The following ZNF665 variants were observed in gnomAD, a reference collection of about 807,000 sequenced individuals.
The protein encoded by ZNF665 is zinc finger protein 665.
Under a neutral mutation model 7.9 loss-of-function variants are expected in ZNF665, and 6 were observed. The observed-to-expected ratio is 0.76, with a 90% CI of 0.42 to 1.50. ZNF665 has a LOEUF of 1.50. ZNF665 is among the 40% of genes most tolerant of loss of function. The pLI, the probability that ZNF665 is intolerant of heterozygous loss-of-function variation, is 0.01. For synonymous variants in ZNF665, 242 were observed against 274.5 expected, an observed-to-expected ratio of 0.88 and a Z score of 1.17; for missense variants, 819 against 806.7, an observed-to-expected ratio of 1.02 and a Z score of -0.18.
chr19:53,177,565 C>CAAAACAAAAA (rs1599879398), intron 2 of ZNF665, among the ~76,000 whole-genome samples: 1 of 150,406 alleles, frequency 6.6e-6, no homozygotes, highest in East Asian at 1.9e-4. Flanking sequence ...CAAAACAAAA[C>CAAAACAAAAA]AAAACAAAAA....
At chr19:53,171,099 C>T (rs1357449055) in intron 3 of ZNF665, among the ~76,000 whole-genome samples, 1 of 151,938 alleles carries the variant, frequency 6.6e-6, no homozygotes, top group Non-Finnish European at 1.5e-5. Flanking sequence ...ATTTTCCTGC[C>T]TCAGCCTCCC....
chr19:53,190,348 G>C (rs992406360), intron 1 of ZNF665: 2 of 152,168 alleles, frequency 1.3e-5, no homozygotes, highest in Non-Finnish European at 2.9e-5. Context: ...AAATTAAACT[G>C]TTCATACTAT....
chr19:53,184,661 C>T (rs1252449073), intron 1 of ZNF665, among the ~76,000 whole-genome samples: 2 of 152,102 alleles, frequency 1.3e-5, no homozygotes, highest in Admixed American at 6.6e-5. Flanking sequence ...TGGGTTTTCT[C>T]CTCGTGTGTG....
intron 1 of ZNF665, among the ~76,000 whole-genome samples, chr19:53,189,051 CTGTG>C (rs60689265): frequency 5.0e-4 from 69 of 137,748 alleles, no homozygotes; most frequent in African/African-American, 1.6e-3. Flanking sequence ...GCTTTATTTT[CTGTG>C]TGTGTGTGTG....
At position 53,165,531 on chromosome 19, in the gene ZNF665, C is replaced by T; in HGVS notation, c.959G>A (p.Cys320Tyr). The T allele has an allele frequency of 6.2e-7, 1 of 1,614,072 alleles. No homozygotes were observed. The highest frequency in any genetic ancestry group is 1.7e-5 in the Admixed American group (1 of 60,004). The change falls in exon 4 of 4, where the codon TGT becomes TAT. Residue 320 changes from cysteine (C) to tyrosine (Y), a missense_variant. Physicochemically the swap from Cys to Tyr is radical, Grantham distance 194. Coordinates refer to ENST00000396424, the MANE Select transcript of ZNF665 (RefSeq NM_024733.5). ...RIHTGEKPYK[C>Y]NECGKAFSVR... ...ACTAAAGGCTTTGCCACACTCATTACACTTGTAAGGCTTCTCCCCAGTATG... is the reference window on the plus strand; with the variant it reads ...ACTAAAGGCTTTGCCACACTCATTATACTTGTAAGGCTTCTCCCCAGTATG...
At chr19:53,170,710 G>T (rs181944344) in intron 3 of ZNF665, among the ~76,000 whole-genome samples, 12 of 152,246 alleles carry the variant, frequency 7.9e-5, no homozygotes, top group Admixed American at 3.3e-4. Context: ...CGACTATTGT[G>T]AACAATGCTG....
intron 2 of ZNF665, chr19:53,180,666 T>C (rs959221704): frequency 1.3e-5 from 2 of 152,144 alleles, no homozygotes; most frequent in African/African-American, 4.8e-5. Flanking sequence ...TTAGTTGTCT[T>C]TTTTGCTCAT....
rs376816788 is a variant in ZNF665, at chr19:53,183,705, A to G, written c.-45-762T>C. On this transcript the variant is annotated intron_variant, in intron 1 of 3. Coordinates refer to ENST00000396424, the MANE Select transcript of ZNF665 (RefSeq NM_024733.5). ...CGGAAGTCCCCACTGAGGAAGTGAT[A>G]TCAGAACAAAGACCTGGGTTAGGAA... Among the ~76,000 whole-genome samples the G allele has an allele frequency of 1.8e-3, 272 of 152,228 alleles. 13 individuals carry two copies. In the South Asian group the frequency reaches 0.052, roughly 29 times the overall value.
At chr19:53,173,859 A>C (rs563657832) in intron 3 of ZNF665, among the ~76,000 whole-genome samples, 2 of 152,220 alleles carry the variant, frequency 1.3e-5, no homozygotes, top group African/African-American at 4.8e-5. Context: ...CCGATGTAGG[A>C]CTGGGATCAA....
In ZNF665 at chr19:53,164,066, A is replaced by G. The variant is rs1018356793; in HGVS notation, c.*387T>C. On this transcript the variant is annotated 3_prime_UTR_variant, in exon 4 of 4. Transcript: ENST00000396424. ...CTGTATTTGTAAGAATTGTCTCAAG[A>G]ATGAATTCTCTGATGTTGTGAAAGA... 1.3e-5 allele frequency: 2 copies of G among 158,200 alleles called. No individual in the cohort carries two copies. Among genetic ancestry groups the G allele is most frequent in the Admixed American group, 6.2e-5 (1 of 16,154 alleles). The allele number at this position is 158,200 out of a possible 1,614,324, so 9.8% of individuals were successfully genotyped here.
Position 53,164,561 on chromosome 19 carries a change from GGTA to G in ZNF665, c.1926_1928del (p.Thr643del). On this transcript the variant is annotated inframe_deletion, in exon 4 of 4. Coordinates refer to ENST00000396424, the MANE Select transcript of ZNF665 (RefSeq NM_024733.5). Reference sequence around the variant, plus strand: ...TGTCTCCAGTATGGACTGCCATATGGGTAGTTAGGGTTGAACGAACACTGAAGG... The same window carrying G: ...TGTCTCCAGTATGGACTGCCATATGGGTTAGGGTTGAACGAACACTGAAGG... 1.2e-6 allele frequency: 2 copies of G among 1,614,094 alleles called. No individual in the cohort carries two copies. Among genetic ancestry groups the G allele is most frequent in the Non-Finnish European group, 1.7e-6 (2 of 1,179,948 alleles).
Position 53,175,495 on chromosome 19 carries a change from G to T in ZNF665, c.92C>A (p.Thr31Asn). Reference sequence around the variant, plus strand: ...CTCCAACATGACGTCCCTGTACAAAGTCTTCTGAGCAGGGTCCAGGCATGT... The same window carrying T: ...CTCCAACATGACGTCCCTGTACAAATTCTTCTGAGCAGGGTCCAGGCATGT... ...EWTCLDPAQKTLYRDVMLENY... is the reference protein window; with the variant it reads ...EWTCLDPAQKNLYRDVMLENY... The change falls in exon 3 of 4, where the codon ACT becomes AAT. Residue 31 changes from threonine to asparagine, a missense_variant. By Grantham distance (65) the Thr-to-Asn change is moderately conservative (BLOSUM62 0). Coordinates refer to ENST00000396424, the MANE Select transcript of ZNF665 (RefSeq NM_024733.5). 6.2e-7 allele frequency: 1 copy of T among 1,613,102 alleles called. No homozygotes were observed. Among genetic ancestry groups the T allele is most frequent in the Non-Finnish European group, 8.5e-7 (1 of 1,179,650 alleles).
At chr19:53,167,637 G>A (rs2090626229) in intron 3 of ZNF665, among the ~76,000 whole-genome samples, 1 of 150,310 alleles carries the variant, frequency 6.7e-6, no homozygotes, top group Non-Finnish European at 1.5e-5. Context: ...TAGTAGAGAC[G>A]GGGTTTCACC....
At chr19:53,167,842 G>T (rs1251303264) in intron 3 of ZNF665, among the ~76,000 whole-genome samples, 1 of 147,790 alleles carries the variant, frequency 6.8e-6, no homozygotes, top group Non-Finnish European at 1.5e-5. Context: ...GGATCACGAG[G>T]TCAGGAGATC....
Position 53,165,909 on chromosome 19 carries a change from G to C in ZNF665, c.581C>G (p.Thr194Arg). The C allele has an allele frequency of 6.2e-7, 1 of 1,614,112 alleles. No individual in the cohort carries two copies. Among genetic ancestry groups the C allele is most frequent in the South Asian group, 1.1e-5 (1 of 91,076 alleles). The change falls in exon 4 of 4, where the codon ACA becomes AGA. Residue 194 changes from threonine to arginine, a missense_variant. Coordinates refer to ENST00000396424, the MANE Select transcript of ZNF665 (RefSeq NM_024733.5). ...GKVFSQNSRLTSHKRIHTGEK... is the reference protein window; with the variant it reads ...GKVFSQNSRLRSHKRIHTGEK... ...TCCAGTATGAATTCTCTTATGACTT[G>C]TTAGCCGTGAGTTTTGACTGAAGAC...
chr19:53,192,501 C>T (rs1349179968), intron 1 of ZNF665, among the ~76,000 whole-genome samples: 1 of 152,216 alleles, frequency 6.6e-6, no homozygotes, highest in East Asian at 1.9e-4. Flanking sequence ...AGTTGTTTCT[C>T]CATCCTGTTA....
At chr19:53,174,056 G>A (rs1381602204) in intron 3 of ZNF665, among the ~76,000 whole-genome samples, 1 of 152,168 alleles carries the variant, frequency 6.6e-6, no homozygotes, top group Non-Finnish European at 1.5e-5. Context: ...AGGTGCAAAG[G>A]AGAAGCAGCC....
intron 2 of ZNF665, among the ~76,000 whole-genome samples, chr19:53,176,915 T>C (rs2090702621): frequency 6.6e-6 from 1 of 151,590 alleles, no homozygotes; most frequent in African/African-American, 2.4e-5. Context: ...AGGTCAGGAG[T>C]TCGAGACGAG....
At position 53,164,423 on chromosome 19, in the gene ZNF665, C is replaced by T; in HGVS notation, c.*30G>A. The T allele has an allele frequency of 6.7e-7, 1 of 1,501,158 alleles. No homozygotes were observed. The highest frequency in any genetic ancestry group is 1.3e-5 in the South Asian group (1 of 74,718). The allele number at this position is 1,501,158 out of a possible 1,614,324, so 93.0% of individuals were successfully genotyped here. A position where few individuals can be genotyped will look rare whatever the true frequency, so the allele number is the denominator to read the frequency against. On this transcript the variant is annotated 3_prime_UTR_variant, in exon 4 of 4. Coordinates refer to ENST00000396424, the MANE Select transcript of ZNF665 (RefSeq NM_024733.5). Reference sequence around the variant, plus strand: ...AAAGTGCTGGGATTACAGGCGTGAGCCACCACGCCCGGCGTCCTTTGTAAG... The same window carrying T: ...AAAGTGCTGGGATTACAGGCGTGAGTCACCACGCCCGGCGTCCTTTGTAAG...
Sources: gnomAD v4.1 joint callset for allele counts (sites outside exome capture counted in the v4.1 genomes callset) on GRCh38, gnomAD v4.1.1 for gene constraint, MANE v1.5 for transcripts, NCBI Gene and HGNC (gene_info 2026-07-23, HGNC 2026-07-21) for gene names.